GFOD1: variants seen among roughly 807,000 people sequenced by gnomAD.
The protein encoded by GFOD1 is Gfo/Idh/MocA-like oxidoreductase domain containing 1, also known as glucose-fructose oxidoreductase domain-containing protein 1.
In GFOD1, 9 loss-of-function variants were observed where a neutral mutation model predicts 25.4. The ratio of observed to expected loss-of-function variants is 0.35; its 90% CI spans 0.21 to 0.62. The LOEUF is 0.62. Among genes scored for constraint, GFOD1 ranks in the 20% least tolerant of loss-of-function variants. The pLI, the probability that GFOD1 is intolerant of heterozygous loss-of-function variation, is 0.72. For missense variants in GFOD1, 403 were observed against 556.9 expected (o/e 0.72, Z 2.78); for synonymous variants, 253 against 245.6 (o/e 1.03, Z -0.28).
At chr6:13,479,987 T>A (rs1031661598) in intron 1 of GFOD1, among the ~76,000 whole-genome samples, 3 of 152,220 alleles carry the variant, frequency 2.0e-5, no homozygotes, top group Admixed American at 6.5e-5. Flanking sequence ...ATGAGCATTA[T>A]CTGCAGCCTT....
chr6:13,393,470 CA>C (rs1175004882), intron 1 of GFOD1, among the ~76,000 whole-genome samples: 8 of 151,192 alleles, frequency 5.3e-5, no homozygotes, highest in African/African-American at 1.9e-4. Context: ...TAGAAAGGAC[CA>C]CCGGCCAGTC....
chr6:13,431,149 A>C (rs1319471708), intron 1 of GFOD1, among the ~76,000 whole-genome samples: 1 of 152,126 alleles, frequency 6.6e-6, no homozygotes, highest in South Asian at 2.1e-4. Flanking sequence ...GGGAAACTGA[A>C]ATCTATGGGC....
chr6:13,368,456 C>T (rs1785088761), intron 1 of GFOD1, among the ~76,000 whole-genome samples: 1 of 149,800 alleles, frequency 6.7e-6, no homozygotes, highest in South Asian at 2.1e-4. Flanking sequence ...AATATGATCC[C>T]GTAGGCATAA....
chr6:13,485,878 A>G (rs758209850), intron 1 of GFOD1: 59 of 253,434 alleles, frequency 2.3e-4, no homozygotes, highest in Non-Finnish European at 3.2e-4. Context: ...GGGGCAGAAG[A>G]CATTTCCCGG....
intron 1 of GFOD1, among the ~76,000 whole-genome samples, chr6:13,415,772 G>C (rs562449213): frequency 1.3e-5 from 2 of 152,328 alleles, no homozygotes; most frequent in African/African-American, 4.8e-5. Flanking sequence ...AGCCATGATG[G>C]CCATCCGCCT....
intron 1 of GFOD1, among the ~76,000 whole-genome samples, chr6:13,415,065 G>A (rs779080794): frequency 5.3e-5 from 8 of 152,174 alleles, no homozygotes; most frequent in Non-Finnish European, 8.8e-5. Context: ...GCTAGCAGCA[G>A]GGCACAAGCC....
chr6:13,372,341 C>T (rs1376871052), intron 1 of GFOD1, among the ~76,000 whole-genome samples: 5 of 152,184 alleles, frequency 3.3e-5, no homozygotes, highest in Non-Finnish European at 7.3e-5. Context: ...CAGCTCCCTC[C>T]GAAGCCTGCT....
rs1019492537 is a variant in GFOD1, at chr6:13,428,785, C to A, written c.253+57853G>T. 3.9e-5 allele frequency among the ~76,000 whole-genome samples: 6 copies of A among 152,156 alleles called. No individual in the cohort carries two copies. The East Asian group carries it at 7.7e-4, about 20-fold the overall frequency. Reference sequence around the variant, plus strand: ...ACTTCCCTCCCCAAACACCACAGCCCGGCTGTGAGCTGAAAGAGCTCCCTT... The same window carrying A: ...ACTTCCCTCCCCAAACACCACAGCCAGGCTGTGAGCTGAAAGAGCTCCCTT... On this transcript the variant is annotated intron_variant, in intron 1 of 1. Coordinates refer to ENST00000379287, the MANE Select transcript of GFOD1 (RefSeq NM_018988.4).
chr6:13,397,461 C>G (rs559496225), intron 1 of GFOD1, among the ~76,000 whole-genome samples: 1 of 152,234 alleles, frequency 6.6e-6, no homozygotes, highest in Non-Finnish European at 1.5e-5. Flanking sequence ...CTTTTCACTT[C>G]CTCTTTCACC....
intron 1 of GFOD1, among the ~76,000 whole-genome samples, chr6:13,418,798 G>A (rs773720854): frequency 1.3e-5 from 2 of 152,150 alleles, no homozygotes; most frequent in African/African-American, 4.8e-5. Flanking sequence ...CCTGGCCAAC[G>A]GCAATTCCAG....
At chr6:13,467,576 TA>T (rs1758399155) in intron 1 of GFOD1, among the ~76,000 whole-genome samples, 1 of 152,106 alleles carries the variant, frequency 6.6e-6, no homozygotes, top group Admixed American at 6.5e-5. Context: ...AAAGGGGAAA[TA>T]AAAAATGGAA....
chr6:13,425,131 T>C (rs1407312044), intron 1 of GFOD1, among the ~76,000 whole-genome samples: 1 of 151,972 alleles, frequency 6.6e-6, no homozygotes, highest in Non-Finnish European at 1.5e-5. Flanking sequence ...GCTAATTTTT[T>C]GTTTATTTTG....
At chr6:13,486,169 G>A in intron 1 of GFOD1, 3 of 990,320 alleles carry the variant, frequency 3.0e-6, no homozygotes, top group Non-Finnish European at 3.6e-6. Flanking sequence ...CACGTGTGCG[G>A]CCTTTTATTC....
At chr6:13,484,224 C>T (rs1758816362) in intron 1 of GFOD1, among the ~76,000 whole-genome samples, 1 of 148,912 alleles carries the variant, frequency 6.7e-6, no homozygotes, top group Non-Finnish European at 1.5e-5. Context: ...GGATCGAAGG[C>T]TACAGACCTG....
chr6:13,481,037 C>G (rs1419301057), intron 1 of GFOD1, among the ~76,000 whole-genome samples: 1 of 152,060 alleles, frequency 6.6e-6, no homozygotes, highest in Non-Finnish European at 1.5e-5. Context: ...ATAAGGGTAC[C>G]CTGGTGAACC....
intron 1 of GFOD1, among the ~76,000 whole-genome samples, chr6:13,458,567 T>C (rs1463274313): frequency 2.6e-5 from 4 of 151,882 alleles, no homozygotes; most frequent in African/African-American, 9.7e-5. Context: ...TCCTGTACTA[T>C]CTGTGTGACC....
Position 13,362,185 on chromosome 6 carries a change from G to C in GFOD1, c.*2558C>G, listed in dbSNP as rs1460727208. On this transcript the variant is annotated 3_prime_UTR_variant, in exon 2 of 2. Coordinates refer to ENST00000379287, the MANE Select transcript of GFOD1 (RefSeq NM_018988.4). ...CAATTTAGAAGAACCAGAATCAGCTGGGTGTGGTGGCTCACGCCTGCAACC... is the reference window on the plus strand; with the variant it reads ...CAATTTAGAAGAACCAGAATCAGCTCGGTGTGGTGGCTCACGCCTGCAACC... The C allele has an allele frequency of 6.6e-6, 1 of 152,244 alleles. No homozygotes were observed. Among genetic ancestry groups the C allele is most frequent in the East Asian group, 1.9e-4 (1 of 5,180 alleles). 9.4% of individuals were successfully genotyped at this position (152,244 alleles called of 1,614,324 possible). A position where few individuals can be genotyped will look rare whatever the true frequency, so the allele number is the denominator to read the frequency against.
chr6:13,456,196 C>T (rs926221219), intron 1 of GFOD1, among the ~76,000 whole-genome samples: 3 of 152,132 alleles, frequency 2.0e-5, no homozygotes, highest in Non-Finnish European at 4.4e-5. Context: ...CAGGGTCTGG[C>T]TCTGTCACCC....
chr6:13,468,386 AC>A (rs1163092423), intron 1 of GFOD1, among the ~76,000 whole-genome samples: 4 of 152,160 alleles, frequency 2.6e-5, no homozygotes, highest in Non-Finnish European at 5.9e-5. Context: ...CTGTTCTCCT[AC>A]TGTGGAACAT....
Sources: gnomAD v4.1 joint callset for allele counts (sites outside exome capture counted in the v4.1 genomes callset) on GRCh38, gnomAD v4.1.1 for gene constraint, MANE v1.5 for transcripts, NCBI Gene and HGNC (gene_info 2026-07-23, HGNC 2026-07-21) for gene names.